Variants in PCDHA7 observed in about 807,000 individuals in gnomAD.
PCDHA7 encodes the protein protocadherin alpha-7.
In PCDHA7, 37 loss-of-function variants were observed where a neutral mutation model predicts 57.2. That is an observed-to-expected ratio of 0.65 (90% CI 0.50 to 0.85). The LOEUF (loss-of-function observed/expected upper bound fraction) is 0.85. Ranked by LOEUF, PCDHA7 falls within the 40% of genes least tolerant of loss-of-function variation. The pLI is 0.00. For missense variants in PCDHA7, 1,188 were observed against 1,241.8 expected (o/e 0.96, Z 0.65); for synonymous variants, 553 against 558.8 (o/e 0.99, Z 0.15).
intron 1 of PCDHA7, chr5:140,877,631 C>T: frequency 6.2e-7 from 1 of 1,613,768 alleles, no homozygotes; most frequent in Non-Finnish European, 8.5e-7. Context: ...CTGTACACTG[C>T]GCTGCGTTGC....
At chr5:140,914,578 A>T (rs1858296) in intron 1 of PCDHA7, among the ~76,000 whole-genome samples, 49,681 of 151,930 alleles carry the variant, frequency 0.33, 8,403 homozygotes, top group East Asian at 0.53. Flanking sequence ...ACATTCAATA[A>T]TTTCATTTAA....
At chr5:140,964,454 T>C (rs1392277569) in intron 1 of PCDHA7, among the ~76,000 whole-genome samples, 1 of 152,132 alleles carries the variant, frequency 6.6e-6, no homozygotes, top group Admixed American at 6.5e-5. Flanking sequence ...CTGTAATCTC[T>C]TCCTTAAGTG....
At chr5:140,884,046 A>T in intron 1 of PCDHA7, 1 of 1,613,474 alleles carries the variant, frequency 6.2e-7, no homozygotes, top group Non-Finnish European at 8.5e-7. Flanking sequence ...GTGGTGGCGA[A>T]GGTGCGCGCG....
chr5:140,836,729 T>C lies in PCDHA7; in HGVS notation c.2346T>C (p.Ser782=). The change falls in exon 1 of 4, where the codon TCT becomes TCC. Residue 782 remains serine (S), a synonymous_variant. Transcript: ENST00000525929. ...CCAGCCTTCCTCAGGGTCCATCCTC[T>C]ACAGACAATGTGAGTCATAAATAAT... ...FSPSLPQGPS[S]TDNPRQPNPD... 1.2e-6 allele frequency: 2 copies of C among 1,610,386 alleles called. No individual in the cohort carries two copies. The highest frequency in any genetic ancestry group is 1.7e-6 in the Non-Finnish European group (2 of 1,177,884).
rs1772980972 is a variant in PCDHA7, at chr5:140,834,421, A to G, written c.38A>G (p.His13Arg). The change falls in exon 1 of 4, where the codon CAT becomes CGT. Residue 13 changes from histidine (H) to arginine (R), a missense_variant. By Grantham distance (29) the His-to-Arg change is conservative. Around this residue, in one of 3 missense-constraint regions of PCDHA7, gnomAD observed 194 missense variants for 185.8 expected, o/e 1.04. Transcript: ENST00000525929. ...CPNGYDPGGR[H>R]LLLFIIILAA... ...AATGGATACGACCCAGGGGGCCGAC[A>G]TCTACTGCTGTTTATTATAATTCTA... 6.2e-7 allele frequency: 1 copy of G among 1,612,030 alleles called. No homozygotes were observed. The highest frequency in any genetic ancestry group is 8.5e-7 in the Non-Finnish European group (1 of 1,178,810).
At chr5:140,967,268 C>T in intron 1 of PCDHA7, 1 of 1,613,522 alleles carries the variant, frequency 6.2e-7, no homozygotes, top group Non-Finnish European at 8.5e-7. Context: ...AGCGCGCTTT[C>T]ACATAGAGAG....
rs2150255716 is a variant in PCDHA7 at position 140,836,221 on chromosome 5, C to T, written c.1838C>T (p.Pro613Leu). ...GCGTGGCTTTCGTATGAGTTGCAAC[C>T]GGTGGCGGCCGGTGCGAGCATCCCG... ...YNAWLSYELQ[P>L]VAAGASIPFR... Residue 613 changes from proline (P) to leucine (L), a missense_variant, in exon 1 of 4, where the codon CCG (proline) becomes CTG (leucine). Transcript: ENST00000525929. 9.9e-6 allele frequency: 16 copies of T among 1,613,802 alleles called. No homozygotes were observed. In the Admixed American group the frequency reaches 2.0e-4, roughly 20 times the overall value.
At chr5:140,857,985 T>C (rs1554150982) in intron 1 of PCDHA7, 4 of 1,596,676 alleles carry the variant, frequency 2.5e-6, no homozygotes, top group South Asian at 2.2e-5. Flanking sequence ...CGCCAGCGCC[T>C]ACTGGTGCTG....
intron 1 of PCDHA7, among the ~76,000 whole-genome samples, chr5:140,952,473 A>C (rs1262702527): frequency 6.6e-6 from 1 of 152,210 alleles, no homozygotes; most frequent in Non-Finnish European, 1.5e-5. Flanking sequence ...GCATAAGGAA[A>C]GTGACATTTG....
At chr5:140,841,103 G>T in intron 1 of PCDHA7, 2 of 582,476 alleles carry the variant, frequency 3.4e-6, no homozygotes, top group Non-Finnish European at 5.9e-6. Context: ...AGATATTGCG[G>T]AAGTAATTCA....
chr5:140,903,192 G>A (rs2070083529), intron 1 of PCDHA7, among the ~76,000 whole-genome samples: 1 of 152,160 alleles, frequency 6.6e-6, no homozygotes, highest in South Asian at 2.1e-4. Flanking sequence ...GTATAAAAGA[G>A]TGTCCTTTTC....
chr5:140,978,920 A>G, intron 1 of PCDHA7, 29 bp from the exon 2 acceptor site: 1 of 1,614,014 alleles, frequency 6.2e-7, no homozygotes, highest in Non-Finnish European at 8.5e-7. Context: ...TTGTCATTTT[A>G]ACAGAAAACT....
chr5:140,860,713 A>G (rs2046537417), intron 1 of PCDHA7: 1 of 152,204 alleles, frequency 6.6e-6, no homozygotes, highest in Non-Finnish European at 1.5e-5. Context: ...GTTCTCCATG[A>G]AAAGTTTTTT....
chr5:140,863,553 A>C, intron 1 of PCDHA7: 2 of 378,210 alleles, frequency 5.3e-6, no homozygotes, highest in South Asian at 4.1e-5. Context: ...TTCAATAGGA[A>C]ATTTTTGAGA....
At chr5:140,886,654 T>C (rs2061065769) in intron 1 of PCDHA7, among the ~76,000 whole-genome samples, 1 of 151,782 alleles carries the variant, frequency 6.6e-6, no homozygotes, top group African/African-American at 2.4e-5. Context: ...GGTGAAACCC[T>C]GTCTCTACTA....
chr5:140,853,741 G>C, intron 1 of PCDHA7: 1 of 988,438 alleles, frequency 1.0e-6, no homozygotes, highest in East Asian at 1.1e-4. Flanking sequence ...TGAATGTTCT[G>C]GTTCAAGGCT....
chr5:140,847,669 G>A (rs2150402722), intron 1 of PCDHA7: 11 of 149,670 alleles, frequency 7.3e-5, no homozygotes, highest in African/African-American at 2.7e-4. Flanking sequence ...TATAAAGCTT[G>A]GAAAGAATCA....
At position 140,876,146 on chromosome 5, in the gene PCDHA7, C is replaced by G. The variant is rs75398909; in HGVS notation, c.2355+39408C>G. The G allele has an allele frequency of 1.6e-3, 2,650 of 1,613,952 alleles. 40 individuals carry two copies. In the African/African-American group the frequency reaches 0.028, roughly 17 times the overall value. ...GGCGGTAAACCAGAACTAACAGGGT[C>G]TGTCCAGATTCAAATAACCGTCCTG... On this transcript the variant is annotated intron_variant, in intron 1 of 3. Coordinates refer to ENST00000525929, the MANE Select transcript of PCDHA7 (RefSeq NM_018910.3).
chr5:140,845,591 A>G (rs1416942970), intron 1 of PCDHA7, among the ~76,000 whole-genome samples: 2 of 149,444 alleles, frequency 1.3e-5, no homozygotes, highest in African/African-American at 4.9e-5. Context: ...AATGTGTCAG[A>G]AGTTAGTTAT....
Sources: gnomAD v4.1 joint callset for allele counts (sites outside exome capture counted in the v4.1 genomes callset) on GRCh38, gnomAD v4.1.1 for gene constraint, gnomAD v4.1.1 regional missense constraint, MANE v1.5 for transcripts, NCBI Gene and HGNC (gene_info 2026-07-23, HGNC 2026-07-21) for gene names.